Variants in DPP9 observed in about 807,000 individuals in gnomAD.
The protein encoded by DPP9 is dipeptidyl peptidase 9.
A neutral mutation model predicts 110.7 loss-of-function variants in DPP9; 50 were observed. The observed-to-expected ratio is 0.45, with a 90% confidence interval of 0.36 to 0.57. DPP9 has a LOEUF of 0.57. Among genes scored for constraint, DPP9 ranks in the 20% least tolerant of loss-of-function variants. The probability of loss-of-function intolerance (pLI) is 0.00; values close to 1 mark genes in which losing one functional copy is unlikely to be tolerated. For synonymous variants in DPP9, 561 were observed against 514.4 expected (o/e 1.09, Z -1.23); for missense variants, 1,022 against 1,217.9 (o/e 0.84, Z 2.39).
In DPP9 at chr19:4,676,373, A is replaced by G. The variant is rs1175241160; in HGVS notation, c.*191T>C. 1 of 594,456 alleles carries G rather than the reference A, an allele frequency of 1.7e-6. No individual in the cohort carries two copies. The highest frequency in any genetic ancestry group is 3.0e-6 in the Non-Finnish European group (1 of 332,198). The allele number at this position is 594,456 out of a possible 1,614,324, so 36.8% of individuals were successfully genotyped here. The stretch of plus-strand genomic sequence containing the variant: ...CGGCAACCAAGAAGCAGCGGACATA[A>G]AACCCAAGAGCGTTTAAAAAAGGAT... On this transcript the variant is annotated 3_prime_UTR_variant, in exon 22 of 22. Coordinates refer to ENST00000262960, the MANE Select transcript of DPP9 (RefSeq NM_139159.5). This position sits in a 1 kb window ranked among gnomAD's most constrained non-coding sequence, Gnocchi z 4.0.
chr19:4,713,717 C>T (rs997556274), intron 4 of DPP9, among the ~76,000 whole-genome samples: 12 of 152,340 alleles, frequency 7.9e-5, no homozygotes, highest in East Asian at 1.9e-4. Flanking sequence ...CCACCCAGCC[C>T]GGACCAGGTG....
At chr19:4,702,409 G>T (rs1161485743) in intron 8 of DPP9, among the ~76,000 whole-genome samples, 194 bp downstream of exon 8, 1 of 152,168 alleles carries the variant, frequency 6.6e-6, no homozygotes, top group Non-Finnish European at 1.5e-5. Flanking sequence ...CACGTGGGGT[G>T]TAACGGGCTG....
At chr19:4,715,369 C>A (rs2093883613) in intron 3 of DPP9, among the ~76,000 whole-genome samples, 1 of 152,086 alleles carries the variant, frequency 6.6e-6, no homozygotes, top group South Asian at 2.1e-4. Flanking sequence ...ACTTGGCAGG[C>A]CGTCAGAAAC....
intron 8 of DPP9, 101 bp from the exon 9 acceptor site, chr19:4,702,256 C>T: frequency 6.9e-7 from 1 of 1,443,496 alleles, no homozygotes; most frequent in Non-Finnish European, 9.2e-7. Flanking sequence ...AAGATGGGCA[C>T]CGAGGGCTCT....
At chr19:4,683,108 T>G in intron 19 of DPP9, 1 of 1,477,310 alleles carries the variant, frequency 6.8e-7, no homozygotes, top group South Asian at 1.2e-5. Flanking sequence ...TGCCTCCTCC[T>G]CCTCCTCATC....
At chr19:4,714,026 G>T in intron 4 of DPP9, 55 bp downstream of exon 4, 1 of 1,543,150 alleles carries the variant, frequency 6.5e-7, no homozygotes, top group Non-Finnish European at 8.7e-7. Flanking sequence ...GAGGACCAGG[G>T]AACTGTGGTC....
chr19:4,714,676 GC>G (rs1001113077), intron 3 of DPP9, among the ~76,000 whole-genome samples: 1 of 152,074 alleles, frequency 6.6e-6, no homozygotes, highest in Non-Finnish European at 1.5e-5. Flanking sequence ...GCAGGTGTGA[GC>G]CACCATGCTT....
chr19:4,677,380 C>T (rs533249318), intron 21 of DPP9, among the ~76,000 whole-genome samples: 2 of 152,256 alleles, frequency 1.3e-5, no homozygotes, highest in African/African-American at 4.8e-5. Context: ...CACAAAGAAC[C>T]CCGGGGCTGG....
rs569703165 is a variant in DPP9, at chr19:4,676,753, G to T, written c.2587-97C>A. Reference sequence around the variant, plus strand: ...TCTGGCTCAGGGCATCCGGGAAGGCGCAGGTGCTCTGAGGCCCAGTGATCT... The same window carrying T: ...TCTGGCTCAGGGCATCCGGGAAGGCTCAGGTGCTCTGAGGCCCAGTGATCT... On this transcript the variant is annotated intron_variant, in intron 21 of 21. Coordinates refer to ENST00000262960, the MANE Select transcript of DPP9 (RefSeq NM_139159.5). This position sits in a 1 kb window ranked among gnomAD's most constrained non-coding sequence, Gnocchi z 4.0. 2.8e-5 allele frequency: 28 copies of T among 1,006,538 alleles called. No individual in the cohort carries two copies. The Middle Eastern group carries it at 1.1e-3, about 39-fold the overall frequency. The allele number at this position is 1,006,538 out of a possible 1,614,324, so 62.4% of individuals were successfully genotyped here.
rs546208107 is a variant in DPP9, at chr19:4,693,267, G to A, written c.1516+1394C>T. 6.6e-6 allele frequency among the ~76,000 whole-genome samples: 1 copy of A among 152,136 alleles called. No homozygotes were observed. The highest frequency in any genetic ancestry group is 1.5e-5 in the Non-Finnish European group (1 of 67,958). On this transcript the variant is annotated intron_variant, in intron 13 of 21. Coordinates refer to ENST00000262960, the MANE Select transcript of DPP9 (RefSeq NM_139159.5). The surrounding 1 kb of genome is among the most constrained non-coding windows in gnomAD (Gnocchi z 5.0). ...TTTGAAGAGCCTGGGCCGGGCTCCCGGACCACCCCACCTCTCTATCCAGAA... is the reference window on the plus strand; with the variant it reads ...TTTGAAGAGCCTGGGCCGGGCTCCCAGACCACCCCACCTCTCTATCCAGAA...
chr19:4,686,540 G>A (rs1158526847), intron 16 of DPP9, among the ~76,000 whole-genome samples: 3 of 151,912 alleles, frequency 2.0e-5, no homozygotes, highest in African/African-American at 7.3e-5. Context: ...GGCTGGTCTC[G>A]AACTCCTGTC....
At chr19:4,690,651 C>T (rs909562010) in intron 14 of DPP9, among the ~76,000 whole-genome samples, 13 of 152,096 alleles carry the variant, frequency 8.5e-5, no homozygotes, top group South Asian at 2.1e-4. Context: ...CAAGATGAGA[C>T]GGGGAGGTGA....
chr19:4,680,279 C>T (rs1211662087), intron 20 of DPP9, among the ~76,000 whole-genome samples: 6 of 150,630 alleles, frequency 4.0e-5, no homozygotes, highest in Non-Finnish European at 8.9e-5. Context: ...TAGTGGTGCG[C>T]CTGTAAGTCC....
intron 4 of DPP9, 125 bp from the exon 5 acceptor site, chr19:4,706,095 G>A: frequency 1.3e-6 from 1 of 754,492 alleles, no homozygotes; most frequent in South Asian, 1.8e-5. Flanking sequence ...CCGCCGGCGG[G>A]ACAGCCCTCC....
intron 3 of DPP9, 69 bp from the exon 4 acceptor site, chr19:4,714,406 C>A: frequency 7.0e-7 from 1 of 1,437,750 alleles, no homozygotes; most frequent in South Asian, 1.5e-5. Flanking sequence ...CAATGCTGCC[C>A]CTTGCGAGGC....
Position 4,702,721 on chromosome 19 carries a change from G to C in DPP9, c.770-5C>G, listed in dbSNP as rs372355879. On this transcript the variant is annotated splice_polypyrimidine_tract_variant and splice_region_variant and intron_variant, in intron 7 of 21. Transcript: ENST00000262960. ...CATCCAGGACATTGGATAAACCTAG[G>C]GGGAGGGACGGAGAGCATCAACAAG... 3 of 1,567,522 alleles carry C rather than the reference G, an allele frequency of 1.9e-6. No individual in the cohort carries two copies. The highest frequency in any genetic ancestry group is 2.6e-6 in the Non-Finnish European group (3 of 1,155,868).
Position 4,689,687 on chromosome 19 carries a change from G to A in DPP9, c.1632C>T (p.Phe544=), listed in dbSNP as rs1371405732. The change falls in exon 15 of 22, where the codon TTC becomes TTT. Residue 544 remains phenylalanine, a synonymous_variant. Coordinates refer to ENST00000262960, the MANE Select transcript of DPP9 (RefSeq NM_139159.5). This position sits in a 1 kb window ranked among gnomAD's most constrained non-coding sequence, Gnocchi z 7.0. ...WVNEETKLVY[F]QGTKDTPLEH... The stretch of plus-strand genomic sequence containing the variant: ...CCAGCGGCGTGTCCTTGGTGCCCTG[G>A]AAGTACACCAGCTTGGTCTCCTCAT... 2 of 1,556,410 alleles carry A rather than the reference G, an allele frequency of 1.3e-6. No individual in the cohort carries two copies. The highest frequency in any genetic ancestry group is 1.7e-6 in the Non-Finnish European group (2 of 1,149,716).
chr19:4,703,947 G>A lies in DPP9; in HGVS notation c.708C>T (p.Ser236=), dbSNP rs199820297. 2.9e-5 allele frequency: 46 copies of A among 1,613,704 alleles called. No homozygotes were observed. The highest frequency in any genetic ancestry group is 1.6e-4 in the Middle Eastern group (1 of 6,062). Residue 236 remains serine (S), a synonymous_variant, in exon 7 of 22, where the codon AGC becomes AGT. Coordinates refer to ENST00000262960, the MANE Select transcript of DPP9 (RefSeq NM_139159.5). ...TCTCGATGTTGGCCACCCACAGGTC[G>A]CTGTTATTGATGAAGGAGAAGAAGG... The part of the protein sequence containing the change: ...DPAFFSFINN[S]DLWVANIETG...
chr19:4,675,402 G>A lies in DPP9; in HGVS notation c.*1162C>T, dbSNP rs576947005. On this transcript the variant is annotated 3_prime_UTR_variant, in exon 22 of 22. Coordinates refer to ENST00000262960, the MANE Select transcript of DPP9 (RefSeq NM_139159.5). Reference sequence around the variant, plus strand: ...GCCCGCCCCTGGCAGAGCTCTTGGCGGGGAGGGAAGGGGAGAGGGAAATAT... The same window carrying A: ...GCCCGCCCCTGGCAGAGCTCTTGGCAGGGAGGGAAGGGGAGAGGGAAATAT... 6 of 150,738 alleles carry A rather than the reference G, an allele frequency of 4.0e-5. No individual in the cohort carries two copies. The highest frequency in any genetic ancestry group is 7.3e-5 in the African/African-American group (3 of 40,866). The allele number at this position is 150,738 out of a possible 1,614,324, so 9.3% of individuals were successfully genotyped here.
Sources: allele counts gnomAD v4.1 joint callset (sites outside exome capture counted in the v4.1 genomes callset), GRCh38; gene constraint gnomAD v4.1.1; non-coding constraint Gnocchi (gnomAD v3.1); transcripts MANE v1.5; gene names NCBI Gene and HGNC (gene_info 2026-07-23, HGNC 2026-07-21).